ASIC2: variants seen among roughly 807,000 people sequenced by gnomAD.
ASIC2 encodes the protein acid sensing ion channel subunit 2, also known as acid-sensing ion channel 2.
ASIC2 carries 25 observed loss-of-function variants against 57.3 expected under a neutral mutation model. The observed-to-expected ratio is 0.44, with a 90% confidence interval of 0.32 to 0.61. The LOEUF is 0.61. Ranked by LOEUF, ASIC2 falls within the 20% of genes least tolerant of loss-of-function variation. The pLI, the probability that ASIC2 is intolerant of heterozygous loss-of-function variation, is 0.06. For synonymous variants in ASIC2, 319 were observed against 307.5 expected (o/e 1.04, Z -0.39); for missense variants, 641 against 738.1 (o/e 0.87, Z 1.52).
chr17:33,095,243 C>T (rs1483876015), intron 2 of ASIC2, among the ~76,000 whole-genome samples: 1 of 152,174 alleles, frequency 6.6e-6, no homozygotes, highest in Non-Finnish European at 1.5e-5. Context: ...GCTAGTCCCT[C>T]CATGTAGACT....
intron 1 of ASIC2, among the ~76,000 whole-genome samples, chr17:33,531,875 C>G (rs1420425275): frequency 6.6e-6 from 1 of 152,174 alleles, no homozygotes; most frequent in Non-Finnish European, 1.5e-5. Context: ...GTTCCCAGCC[C>G]TTTGTTCTCC....
chr17:34,003,479 T>G (rs892051633), intron 1 of ASIC2: 3 of 152,094 alleles, frequency 2.0e-5, no homozygotes, highest in Admixed American at 6.5e-5. Context: ...AGATTTCATT[T>G]TCCAAATTTC....
rs550867431 is a variant in ASIC2, at chr17:33,598,719, A to T, written c.556-486652T>A. Reference sequence around the variant, plus strand: ...GTATAGAGCCTATTACAGATCCTGAAATTTCAGTGTTCAGTGAATACCAGT... The same window carrying T: ...GTATAGAGCCTATTACAGATCCTGATATTTCAGTGTTCAGTGAATACCAGT... On this transcript the variant is annotated intron_variant, in intron 1 of 9. Transcript: ENST00000359872. 4.6e-5 allele frequency among the ~76,000 whole-genome samples: 7 copies of T among 152,300 alleles called. No individual in the cohort carries two copies. In the East Asian group the frequency reaches 1.4e-3, roughly 29 times the overall value.
intron 1 of ASIC2, among the ~76,000 whole-genome samples, chr17:33,973,546 A>G (rs1001917370): frequency 6.6e-6 from 1 of 152,108 alleles, no homozygotes; most frequent in African/African-American, 2.4e-5. Context: ...GGTAGGCAGG[A>G]GCGCTCTAAC....
chr17:33,993,061 A>G (rs1906050088), intron 1 of ASIC2, among the ~76,000 whole-genome samples: 2 of 152,182 alleles, frequency 1.3e-5, no homozygotes, highest in African/African-American at 4.8e-5. Flanking sequence ...CTATGCCCAC[A>G]TGATTTCATG....
At chr17:34,099,396 AAG>A (rs372518715) in intron 1 of ASIC2, among the ~76,000 whole-genome samples, 12 of 147,530 alleles carry the variant, frequency 8.1e-5, no homozygotes, top group Admixed American at 1.3e-4. Flanking sequence ...AAGAGGAAAA[AAG>A]AGAGGAAGGA....
intron 1 of ASIC2, among the ~76,000 whole-genome samples, chr17:33,557,282 C>T (rs929015319): frequency 6.6e-6 from 1 of 151,106 alleles, no homozygotes; most frequent in African/African-American, 2.4e-5. Flanking sequence ...ACTCTAAAGT[C>T]CCTGCCCTTA....
At chr17:33,245,838 G>C (rs141321887) in intron 1 of ASIC2, among the ~76,000 whole-genome samples, 2 of 152,296 alleles carry the variant, frequency 1.3e-5, no homozygotes, top group East Asian at 3.9e-4. Flanking sequence ...GCCCCATAAG[G>C]GGTTTGGGAG....
chr17:33,301,526 G>A (rs1040105204), intron 1 of ASIC2, among the ~76,000 whole-genome samples: 1 of 152,134 alleles, frequency 6.6e-6, no homozygotes, highest in African/African-American at 2.4e-5. Flanking sequence ...TTAGCTGAAA[G>A]TAATGACTAT....
At chr17:33,676,595 T>C (rs962403621) in intron 1 of ASIC2, among the ~76,000 whole-genome samples, 1 of 152,188 alleles carries the variant, frequency 6.6e-6, no homozygotes, top group Non-Finnish European at 1.5e-5. Flanking sequence ...ACTTCAATTC[T>C]ATAAAGGATG....
intron 1 of ASIC2, among the ~76,000 whole-genome samples, chr17:33,449,909 C>A (rs1298751860): frequency 6.6e-6 from 1 of 152,044 alleles, no homozygotes; most frequent in African/African-American, 2.4e-5. Flanking sequence ...GATAGGGTTA[C>A]AGGCATGTGC....
At chr17:33,674,849 G>A (rs929106687) in intron 1 of ASIC2, among the ~76,000 whole-genome samples, 2 of 152,176 alleles carry the variant, frequency 1.3e-5, no homozygotes, top group Non-Finnish European at 2.9e-5. Flanking sequence ...CTTAGGCCCT[G>A]CATTTGTGGT....
At chr17:33,185,264 G>A (rs1292979841) in intron 1 of ASIC2, among the ~76,000 whole-genome samples, 1 of 152,068 alleles carries the variant, frequency 6.6e-6, no homozygotes, top group Non-Finnish European at 1.5e-5. Flanking sequence ...TTTCCTTTAT[G>A]ACATGCTATT....
At chr17:33,197,745 G>A (rs564274164) in intron 1 of ASIC2, among the ~76,000 whole-genome samples, 1 of 152,200 alleles carries the variant, frequency 6.6e-6, no homozygotes. Context: ...AGAGCTGTGG[G>A]TCAGGGACCC....
chr17:33,665,314 T>G (rs778568015), intron 1 of ASIC2, among the ~76,000 whole-genome samples: 11 of 152,204 alleles, frequency 7.2e-5, no homozygotes, highest in Non-Finnish European at 8.8e-5. Context: ...AAGTATGTAC[T>G]GATGGGGGTG....
chr17:34,068,604 G>A (rs1285286404), intron 1 of ASIC2, among the ~76,000 whole-genome samples: 2 of 152,188 alleles, frequency 1.3e-5, no homozygotes, highest in African/African-American at 4.8e-5. Context: ...GGAACCAAAT[G>A]GTTTGAAAGT....
intron 1 of ASIC2, among the ~76,000 whole-genome samples, chr17:33,326,247 C>T (rs1907072324): frequency 6.6e-6 from 1 of 152,138 alleles, no homozygotes; most frequent in Admixed American, 6.5e-5. Context: ...CACCATTATA[C>T]CCATTTTATG....
At chr17:33,929,797 G>T (rs1322852766) in intron 1 of ASIC2, among the ~76,000 whole-genome samples, 2 of 152,166 alleles carry the variant, frequency 1.3e-5, no homozygotes, top group Non-Finnish European at 2.9e-5. Flanking sequence ...AGCTTCAGGG[G>T]GTGCCATCTA....
intron 1 of ASIC2, among the ~76,000 whole-genome samples, chr17:33,246,043 A>T (rs1455894144): frequency 6.6e-6 from 1 of 150,752 alleles, no homozygotes; most frequent in Admixed American, 6.6e-5. Flanking sequence ...AAAAAAAAAA[A>T]GTCACTGTGG....
Sources: allele counts gnomAD v4.1 joint callset (sites outside exome capture counted in the v4.1 genomes callset), GRCh38; gene constraint gnomAD v4.1.1; transcripts MANE v1.5; gene names NCBI Gene and HGNC (gene_info 2026-07-23, HGNC 2026-07-21).